The following TDRD9 variants were observed in gnomAD, a reference collection of about 807,000 sequenced individuals.
TDRD9 encodes ATP-dependent RNA helicase TDRD9.
A neutral mutation model predicts 172.6 loss-of-function variants in TDRD9; 124 were observed. That is an observed-to-expected ratio of 0.72 (90% CI 0.62 to 0.83). The LOEUF is 0.83. TDRD9 is among the 40% of genes least tolerant of loss of function. The pLI is 0.00. For synonymous variants in TDRD9, 619 were observed against 617.1 expected (o/e 1.00, Z -0.05); for missense variants, 1,479 against 1,714.1 (o/e 0.86, Z 2.42).
rs545342660 is a variant in TDRD9, at chr14:103,977,934, C to A, written c.1011+2381C>A. Among the ~76,000 whole-genome samples the A allele has an allele frequency of 4.6e-5, 7 of 152,234 alleles. No individual in the cohort carries two copies. The East Asian group carries it at 1.3e-3, about 29-fold the overall frequency. ...ATTTATTGAAGAGACTGTTCTTTCT[C>A]CAGTGAATGTTCTTGATGCCTTTCT... On this transcript the variant is annotated intron_variant, in intron 7 of 35. Transcript: ENST00000409874.
At chr14:104,016,674 C>T (rs1328450415) in intron 22 of TDRD9, among the ~76,000 whole-genome samples, 1 of 152,186 alleles carries the variant, frequency 6.6e-6, no homozygotes. Context: ...GCGTTTGCAA[C>T]CCAGTTGTTT....
rs779516626 is a variant in TDRD9, at chr14:104,014,775, G to A, written c.2157G>A (p.Met719Ile). Residue 719 changes from methionine (M) to isoleucine (I), a missense_variant, in exon 21 of 36, where the codon ATG (methionine) becomes ATA (isoleucine). Around this residue, in one of 3 missense-constraint regions of TDRD9, gnomAD observed 1,413 missense variants for 1,649.1 expected, o/e 0.86. Transcript: ENST00000409874. ...ELKTRISQFNMHVDSRRPVMD... is the reference protein window; with the variant it reads ...ELKTRISQFNIHVDSRRPVMD... ...AGACTAGAATCTCACAGTTCAACAT[G>A]CATGTTGATTCTCGGCGACCTGTCA... The A allele has an allele frequency of 1.2e-6, 2 of 1,612,432 alleles. No individual in the cohort carries two copies. The highest frequency in any genetic ancestry group is 1.7e-6 in the Non-Finnish European group (2 of 1,179,282).
rs185492787 is a variant in TDRD9, at chr14:104,010,020, A to C, written c.2106+1554A>C. 4.8e-5 allele frequency among the ~76,000 whole-genome samples: 7 copies of C among 147,014 alleles called. No homozygotes were observed. In the East Asian group the frequency reaches 1.4e-3, roughly 29 times the overall value. ...GAGTGCAATGGCACAGTCTCGGCTC[A>C]CTGTAACCTCTGCCTCCCGGGTTCA... On this transcript the variant is annotated intron_variant, in intron 20 of 35. Transcript: ENST00000409874.
intron 12 of TDRD9, among the ~76,000 whole-genome samples, chr14:103,996,269 A>G (rs2034055510): frequency 6.6e-6 from 1 of 152,228 alleles, no homozygotes; most frequent in East Asian, 1.9e-4. Context: ...AAATTCATTA[A>G]TTTATATTTG....
chr14:103,947,320 TTTG>T (rs1253428160), intron 1 of TDRD9, among the ~76,000 whole-genome samples: 1 of 151,976 alleles, frequency 6.6e-6, no homozygotes, highest in Non-Finnish European at 1.5e-5. Flanking sequence ...TTTTGTTTTT[TTTG>T]TTTTTTTGTT....
Position 103,994,498 on chromosome 14 carries a change from T to C in TDRD9, c.1236-21T>C, listed in dbSNP as rs1163877064. The C allele has an allele frequency of 1.9e-6, 3 of 1,611,828 alleles. No individual in the cohort carries two copies. The African/African-American group carries it at 4.0e-5, about 22-fold the overall frequency. On this transcript the variant is annotated intron_variant, in intron 10 of 35. Transcript: ENST00000409874. ...ATGTATATCTATTCTTTATGGAGATTTTATTTTAGTAATTTCTTAGGTTGC... is the reference window on the plus strand; with the variant it reads ...ATGTATATCTATTCTTTATGGAGATCTTATTTTAGTAATTTCTTAGGTTGC...
At chr14:103,949,885 AT>A (rs1427338837) in intron 1 of TDRD9, among the ~76,000 whole-genome samples, 1 of 151,656 alleles carries the variant, frequency 6.6e-6, no homozygotes, top group Non-Finnish European at 1.5e-5. Context: ...GGGTTTCAAC[AT>A]TTTGGTCTCG....
chr14:103,999,671 A>C (rs2034191536), intron 13 of TDRD9, among the ~76,000 whole-genome samples: 1 of 113,736 alleles, frequency 8.8e-6, no homozygotes, highest in Non-Finnish European at 1.9e-5. Flanking sequence ...TAGATAAAAG[A>C]CCATTTCAAG....
chr14:103,946,364 T>C (rs1272239838), intron 1 of TDRD9, among the ~76,000 whole-genome samples: 1 of 152,210 alleles, frequency 6.6e-6, no homozygotes, highest in Non-Finnish European at 1.5e-5. Context: ...GTTGTTCATA[T>C]TAAAAACTCT....
intron 21 of TDRD9, among the ~76,000 whole-genome samples, chr14:104,015,414 T>A (rs2034758980): frequency 6.6e-6 from 1 of 152,192 alleles, no homozygotes; most frequent in Non-Finnish European, 1.5e-5. Flanking sequence ...GTGCTGGAAA[T>A]GTGCGAGTGT....
intron 7 of TDRD9, among the ~76,000 whole-genome samples, chr14:103,977,492 CAAAAAAAAAAAAA>C (rs57634354): frequency 3.8e-5 from 2 of 53,178 alleles, no homozygotes; most frequent in Non-Finnish European, 6.3e-5. Flanking sequence ...GACTCCATCT[CAAAAAAAAAAAAA>C]AAAAAAAAAA....
chr14:104,049,541 A>G, intron 34 of TDRD9, 67 bp from the exon 35 acceptor site: 2 of 1,326,016 alleles, frequency 1.5e-6, no homozygotes, highest in Non-Finnish European at 2.1e-6. Context: ...AAATCTTTAA[A>G]AAAATCACAG....
At position 103,965,565 on chromosome 14, in the gene TDRD9, G is replaced by A. The variant is rs1343656583; in HGVS notation, c.642+11G>A. 1 of 1,275,350 alleles carries A rather than the reference G, an allele frequency of 7.8e-7. No individual in the cohort carries two copies. The allele number at this position is 1,275,350 out of a possible 1,614,324, so 79.0% of individuals were successfully genotyped here. A position where few individuals can be genotyped will look rare whatever the true frequency, so the allele number is the denominator to read the frequency against. The stretch of plus-strand genomic sequence containing the variant: ...GTGGTGGGCTACCAGGTGAGACTGG[G>A]AGGGAGGGAGGGACTAAGAGAGCCA... On this transcript the variant is annotated intron_variant, in intron 4 of 35. Coordinates refer to ENST00000409874, the MANE Select transcript of TDRD9 (RefSeq NM_153046.3).
At chr14:103,993,300 A>ACTT (rs1381413798) in intron 9 of TDRD9, among the ~76,000 whole-genome samples, 5 of 152,076 alleles carry the variant, frequency 3.3e-5, no homozygotes. Context: ...GCTGGTAAAT[A>ACTT]CTTTTTACCT....
In TDRD9 at chr14:104,049,120, A is replaced by ATATG. The variant is rs1555377359; in HGVS notation, c.3975-487_3975-486insATGT. Among the ~76,000 whole-genome samples the ATATG allele has an allele frequency of 2.9e-4, 30 of 101,980 alleles. 1 individual carries two copies. Among genetic ancestry groups the ATATG allele is most frequent in the Middle Eastern group, 4.9e-3 (1 of 206 alleles). The allele number at this position is 101,980 out of a possible 152,430, so 66.9% of individuals were successfully genotyped here. A position where few individuals can be genotyped will look rare whatever the true frequency, so the allele number is the denominator to read the frequency against. On this transcript the variant is annotated intron_variant, in intron 34 of 35. Coordinates refer to ENST00000409874, the MANE Select transcript of TDRD9 (RefSeq NM_153046.3). ...TTGGTATGTATGTATGTATGTATGTATGTGTGTGTGTGTGTGTGTGTGTGT... is the reference window on the plus strand; with the variant it reads ...TTGGTATGTATGTATGTATGTATGTATATGTGTGTGTGTGTGTGTGTGTGTGTGT...
chr14:104,034,186 T>TA lies in TDRD9; in HGVS notation c.3619+117_3619+118insA, dbSNP rs1478184571. On this transcript the variant is annotated intron_variant, in intron 31 of 35. Coordinates refer to ENST00000409874, the MANE Select transcript of TDRD9 (RefSeq NM_153046.3). The stretch of plus-strand genomic sequence containing the variant: ...CAAGTCTACACTATGTACTATTCTT[T>TA]TTTTTTCTTTTTTTTTTTTTTTGAG... 3 of 365,834 alleles carry TA rather than the reference T, an allele frequency of 8.2e-6. No homozygotes were observed. In the African/African-American group the frequency reaches 8.3e-5, roughly 10 times the overall value. The allele number at this position is 365,834 out of a possible 1,614,324, so 22.7% of individuals were successfully genotyped here. A position where few individuals can be genotyped will look rare whatever the true frequency, so the allele number is the denominator to read the frequency against.
At chr14:103,951,119 C>A (rs371145807) in intron 1 of TDRD9, among the ~76,000 whole-genome samples, 2 of 152,094 alleles carry the variant, frequency 1.3e-5, no homozygotes, top group East Asian at 3.8e-4. Context: ...AAATAAAGAT[C>A]TTTCCTTGTT....
intron 13 of TDRD9, among the ~76,000 whole-genome samples, chr14:104,000,329 C>CAAAAAAA (rs60498436): frequency 6.3e-5 from 8 of 127,998 alleles, no homozygotes; most frequent in Admixed American, 1.6e-4. Flanking sequence ...AGCCCCGTCT[C>CAAAAAAA]AAAAAAAAAA....
intron 32 of TDRD9, among the ~76,000 whole-genome samples, chr14:104,036,899 G>T (rs2152259329): frequency 6.6e-6 from 1 of 152,322 alleles, no homozygotes; most frequent in Middle Eastern, 3.4e-3. Context: ...CGGAAAGGTA[G>T]CAGGGGGGCC....
Sources: allele counts gnomAD v4.1 joint callset (sites outside exome capture counted in the v4.1 genomes callset), GRCh38; gene constraint gnomAD v4.1.1; regional missense constraint gnomAD v4.1.1; transcripts MANE v1.5; gene names NCBI Gene and HGNC (gene_info 2026-07-23, HGNC 2026-07-21).